Variants in HUWE1 observed in about 807,000 individuals in gnomAD.
The protein encoded by HUWE1 is HECT, UBA and WWE domain containing E3 ubiquitin protein ligase 1.
Under a neutral mutation model 299.4 loss-of-function variants are expected in HUWE1, and 18 were observed. The ratio of observed to expected loss-of-function variants is 0.06; its 90% CI spans 0.04 to 0.09. HUWE1 has a LOEUF of 0.09. HUWE1 is among the 10% of genes least tolerant of loss of function. The pLI, the probability that HUWE1 is intolerant of heterozygous loss-of-function variation, is 1.00. For synonymous variants in HUWE1, 1,317 were observed against 1,286.1 expected (o/e 1.02, Z -0.51); for missense variants, 1,832 against 3,462.3 (o/e 0.53, Z 11.82).
At chrX:53,610,270 T>C (rs782231449) in intron 23 of HUWE1, among the ~76,000 whole-genome samples, 17 of 111,717 alleles carry the variant, frequency 1.5e-4, no homozygotes, top group African/African-American at 6.5e-5. Flanking sequence ...ATGAGACCTA[T>C]ATGCCCCCTT....
intron 29 of HUWE1, among the ~76,000 whole-genome samples, chrX:53,598,082 T>C (rs2064598828): frequency 9.0e-6 from 1 of 111,728 alleles, no homozygotes; most frequent in Admixed American, 9.5e-5. Flanking sequence ...CAAGAGCTAA[T>C]AAACACCACA....
At chrX:53,594,343 T>C (rs1309384233) in intron 31 of HUWE1, among the ~76,000 whole-genome samples, 156 bp downstream of exon 31, 3 of 111,791 alleles carry the variant, frequency 2.7e-5, no homozygotes, top group Non-Finnish European at 5.6e-5. Flanking sequence ...GAGACAAACA[T>C]GGTTACTTCC....
intron 2 of HUWE1, among the ~76,000 whole-genome samples, chrX:53,683,240 G>A (rs1557054197): frequency 1.8e-5 from 2 of 111,016 alleles, no homozygotes; most frequent in African/African-American, 6.6e-5. Context: ...TATCCACGTA[G>A]ATGAAGATTA....
chrX:53,574,297 T>C (rs1328278906), intron 46 of HUWE1, among the ~76,000 whole-genome samples: 1 of 112,548 alleles, frequency 8.9e-6, no homozygotes, highest in Non-Finnish European at 1.9e-5. Context: ...CACTTTTATC[T>C]AGTTCAGCTC....
intron 3 of HUWE1, among the ~76,000 whole-genome samples, chrX:53,656,663 T>C (rs1210057801): frequency 2.7e-5 from 3 of 110,859 alleles, no homozygotes; most frequent in African/African-American, 9.9e-5. Flanking sequence ...CCTATTCAAA[T>C]CCCAGCAAGA....
chrX:53,537,836 T>C, intron 77 of HUWE1, 140 bp from the exon 78 acceptor site: 1 of 650,156 alleles, frequency 1.5e-6, no homozygotes, highest in Non-Finnish European at 2.3e-6. Flanking sequence ...GTTTGGGAAA[T>C]GCCCAGTAGT....
Position 53,552,450 on chromosome X carries a change from AATC to A in HUWE1, c.8751-12_8751-10del. On this transcript the variant is annotated splice_polypyrimidine_tract_variant and intron_variant, in intron 62 of 83. Transcript: ENST00000262854. ...AGGATGCAGGTGGGGAGCTGAGGGA[AATC>A]ATGCTCAGGTTGCTGTCTGTATTAT... The A allele has an allele frequency of 2.5e-6, 3 of 1,210,154 alleles. No homozygotes were observed. Among genetic ancestry groups the A allele is most frequent in the Non-Finnish European group, 3.4e-6 (3 of 894,503 alleles).
chrX:53,546,252 T>G (rs1357075207), intron 70 of HUWE1, among the ~76,000 whole-genome samples, 184 bp downstream of exon 70: 1 of 111,244 alleles, frequency 9.0e-6, no homozygotes, highest in Admixed American at 9.6e-5. Context: ...TTCAAACAAC[T>G]GAGCAGAGGA....
In HUWE1 at chrX:53,542,405, T is replaced by C. The variant is rs374732006; in HGVS notation, c.11476+38A>G. 2.7e-5 allele frequency: 24 copies of C among 874,609 alleles called. No homozygotes were observed. In the Middle Eastern group the frequency reaches 1.0e-3, roughly 37 times the overall value. 72.1% of individuals were successfully genotyped at this position (874,609 alleles called of 1,213,427 possible). A position where few individuals can be genotyped will look rare whatever the true frequency, so the allele number is the denominator to read the frequency against. ...AGCAGACATTCCAGAAGACTGGCTATCCCTTTTGCTCGGCTGGAAACAGGA... is the reference window on the plus strand; with the variant it reads ...AGCAGACATTCCAGAAGACTGGCTACCCCTTTTGCTCGGCTGGAAACAGGA... On this transcript the variant is annotated intron_variant, in intron 74 of 83. Coordinates refer to ENST00000262854, the MANE Select transcript of HUWE1 (RefSeq NM_031407.7).
Position 53,659,825 on chromosome X carries a change from G to A in HUWE1, c.-24-5694C>T, listed in dbSNP as rs192670628. On this transcript the variant is annotated intron_variant, in intron 3 of 83. Coordinates refer to ENST00000262854, the MANE Select transcript of HUWE1 (RefSeq NM_031407.7). ...TGGGAAATTTCTGTACCTTCTGCTC[G>A]ATTTTGCTGGGAATGTAAAACTACT... 5.4e-5 allele frequency among the ~76,000 whole-genome samples: 6 copies of A among 111,605 alleles called. No homozygotes were observed. In the East Asian group the frequency reaches 1.4e-3, roughly 26 times the overall value.
At chrX:53,582,083 A>G (rs1556968408) in intron 42 of HUWE1, among the ~76,000 whole-genome samples, 1 of 111,804 alleles carries the variant, frequency 8.9e-6, no homozygotes, top group Non-Finnish European at 1.9e-5. Context: ...AAGACTTTAC[A>G]TTTTGCCATC....
intron 47 of HUWE1, among the ~76,000 whole-genome samples, chrX:53,570,844 T>G (rs1301788365): frequency 8.9e-6 from 1 of 112,559 alleles, no homozygotes; most frequent in Non-Finnish European, 1.9e-5. Context: ...ATGGTTGACT[T>G]TATATAAATT....
At chrX:53,603,947 G>A (rs1370463583) in intron 26 of HUWE1, among the ~76,000 whole-genome samples, 1 of 111,556 alleles carries the variant, frequency 9.0e-6, no homozygotes, top group African/African-American at 3.3e-5. Flanking sequence ...CAATCCCTAA[G>A]CTTTGTTAAG....
chrX:53,549,385 G>A lies in HUWE1; in HGVS notation c.9609C>T (p.Ser3203=), dbSNP rs1490463430. The A allele has an allele frequency of 2.5e-6, 3 of 1,209,351 alleles. No individual in the cohort carries two copies. The highest frequency in any genetic ancestry group is 3.4e-6 in the Non-Finnish European group (3 of 894,802). Residue 3203 remains serine, a synonymous_variant, in exon 67 of 84, where the codon AGC becomes AGT. Coordinates refer to ENST00000262854, the MANE Select transcript of HUWE1 (RefSeq NM_031407.7). ...GATTTCTCAGTACTCGGTGTAGACG[G>A]CTAGTATTGAGCTTTGGCTCATCCA... ...LFVDEPKLNT[S]RLHRVLRNLC...
intron 79 of HUWE1, 30 bp downstream of exon 79, chrX:53,536,350 G>A (rs376506320): frequency 1.7e-6 from 2 of 1,197,684 alleles, no homozygotes; most frequent in Admixed American, 4.4e-5. Flanking sequence ...CAGGACTGAA[G>A]ACAGTCCCAG....
intron 49 of HUWE1, among the ~76,000 whole-genome samples, chrX:53,565,636 CT>C (rs377656122): frequency 1.4e-3 from 147 of 101,584 alleles, no homozygotes; most frequent in Non-Finnish European, 1.1e-3. Context: ...AAAAGTTTTC[CT>C]TTTTTTTTTT....
intron 19 of HUWE1, among the ~76,000 whole-genome samples, chrX:53,623,467 CAAG>C (rs1184952858): frequency 1.8e-5 from 2 of 112,154 alleles, no homozygotes; most frequent in Admixed American, 9.4e-5. Context: ...TGCTACACCA[CAAG>C]AAGACTTCCT....
chrX:53,554,843 G>A lies in HUWE1; in HGVS notation c.8284C>T (p.Leu2762Phe). 1 of 1,208,139 alleles carries A rather than the reference G, an allele frequency of 8.3e-7. No individual in the cohort carries two copies. Among genetic ancestry groups the A allele is most frequent in the Non-Finnish European group, 1.1e-6 (1 of 892,910 alleles). The stretch of plus-strand genomic sequence containing the variant: ...TGTTGTGAGGATTGCAGAGTGCCAA[G>A]GGTCTCCTTGGACTCAGATGTAGCT... ...DAATSESKETLGTLQSSQQQP... is the reference protein window; with the variant it reads ...DAATSESKETFGTLQSSQQQP... The change falls in exon 61 of 84, where the codon CTT (leucine) becomes TTT (phenylalanine). Residue 2762 changes from leucine (L) to phenylalanine (F), a missense_variant. By Grantham distance (22) the Leu-to-Phe change is conservative (BLOSUM62 0). This residue lies in a region of HUWE1 where 143 missense variants were observed against 148.1 expected (regional missense o/e 0.97). Transcript: ENST00000262854.
intron 31 of HUWE1, among the ~76,000 whole-genome samples, chrX:53,594,051 T>C (rs1303959820): frequency 4.5e-5 from 5 of 110,478 alleles, no homozygotes; most frequent in Non-Finnish European, 3.8e-5. Flanking sequence ...GAGTTGAGTT[T>C]GCGCCACTGC....
Sources: allele counts gnomAD v4.1 joint callset (sites outside exome capture counted in the v4.1 genomes callset), GRCh38; gene constraint gnomAD v4.1.1; regional missense constraint gnomAD v4.1.1; transcripts MANE v1.5; gene names NCBI Gene and HGNC (gene_info 2026-07-23, HGNC 2026-07-21).